FBXO10: variants seen among roughly 807,000 people sequenced by gnomAD.
The protein encoded by FBXO10 is F-box only protein 10.
Under a neutral mutation model 80.7 loss-of-function variants are expected in FBXO10, and 39 were observed. That is an observed-to-expected ratio of 0.48 (90% confidence interval 0.37 to 0.63). The LOEUF (loss-of-function observed/expected upper bound fraction) is 0.63, where lower values mean the gene tolerates loss of function less well. Among genes scored for constraint, FBXO10 ranks in the 30% least tolerant of loss-of-function variants. The pLI, the probability that FBXO10 is intolerant of heterozygous loss-of-function variation, is 0.00. For synonymous variants in FBXO10, 449 were observed against 489.6 expected (o/e 0.92, Z 1.09); for missense variants, 1,025 against 1,269.0 (o/e 0.81, Z 2.92).
intron 8 of FBXO10, among the ~76,000 whole-genome samples, chr9:37,519,102 G>A (rs1821261949): frequency 6.6e-6 from 1 of 152,008 alleles, no homozygotes; most frequent in South Asian, 2.1e-4. Flanking sequence ...GTAGAGACAT[G>A]GTTTCACCGT....
At chr9:37,565,328 G>A (rs1822576503) in intron 1 of FBXO10, among the ~76,000 whole-genome samples, 1 of 152,160 alleles carries the variant, frequency 6.6e-6, no homozygotes, top group Non-Finnish European at 1.5e-5. Context: ...GAAAGCCCTT[G>A]TTTAAAGAAC....
chr9:37,523,111 T>C, intron 6 of FBXO10, 134 bp from the exon 7 acceptor site: 1 of 940,480 alleles, frequency 1.1e-6, no homozygotes, highest in Admixed American at 2.7e-5. Flanking sequence ...CAATTAGCAC[T>C]GTAAATCTTG....
Position 37,537,244 on chromosome 9 carries a change from C to A in FBXO10, c.1285G>T (p.Gly429Cys). Residue 429 changes from glycine (G) to cysteine (C), a missense_variant, in exon 3 of 11, where the codon GGC becomes TGC. By Grantham distance (159) the Gly-to-Cys change is radical (BLOSUM62 -3). Around this residue, in one of 3 missense-constraint regions of FBXO10, gnomAD observed 478 missense variants for 667.8 expected, o/e 0.72. Transcript: ENST00000432825. Reference protein sequence around the residue: ...EAMALANSVQGCLIRKCLFRD... With the variant: ...EAMALANSVQCCLIRKCLFRD... ...AAGAGGCACTTGCGGATGAGGCAGC[C>A]CTGCACGGAGTTGGCCAGTGCCATG... The A allele has an allele frequency of 6.2e-7, 1 of 1,613,904 alleles. No individual in the cohort carries two copies. Among genetic ancestry groups the A allele is most frequent in the Non-Finnish European group, 8.5e-7 (1 of 1,179,896 alleles).
chr9:37,517,991 G>A (rs1221623974), intron 9 of FBXO10, 134 bp downstream of exon 9: 1 of 954,922 alleles, frequency 1.0e-6, no homozygotes, highest in African/African-American at 1.6e-5. Context: ...CCCAGGCTGA[G>A]TCCTGGCAGG....
At chr9:37,570,359 CA>C (rs904769579) in intron 1 of FBXO10, among the ~76,000 whole-genome samples, 1 of 151,622 alleles carries the variant, frequency 6.6e-6, no homozygotes, top group African/African-American at 2.4e-5. Context: ...TACCACATAT[CA>C]AAACTTGTGA....
chr9:37,571,392 A>C (rs973171002), intron 1 of FBXO10, among the ~76,000 whole-genome samples: 1 of 152,210 alleles, frequency 6.6e-6, no homozygotes, highest in African/African-American at 2.4e-5. Flanking sequence ...AACTTAATAT[A>C]AGAAGCAAGC....
rs755423837 is a variant in FBXO10, at chr9:37,531,935, G to A, written c.1543C>T (p.Arg515Trp). The A allele has an allele frequency of 2.0e-5, 32 of 1,613,780 alleles. No homozygotes were observed. The highest frequency in any genetic ancestry group is 2.4e-5 in the Non-Finnish European group (28 of 1,179,834). The change falls in exon 4 of 11, where the codon CGG (arginine) becomes TGG (tryptophan). Residue 515 changes from arginine (R) to tryptophan (W), a missense_variant. Around this residue, in one of 3 missense-constraint regions of FBXO10, gnomAD observed 478 missense variants for 667.8 expected, o/e 0.72. Coordinates refer to ENST00000432825, the MANE Select transcript of FBXO10 (RefSeq NM_012166.3). The stretch of plus-strand genomic sequence containing the variant: ...AGTATGAGTGGGTTGGACTTTTTCC[G>A]GATGTCTACACCAGCCTCTGCATTG... ...YHNAEAGVDI[R>W]KKSNPLILCN...
chr9:37,522,027 G>C, intron 7 of FBXO10, 189 bp from the exon 8 acceptor site: 1 of 637,462 alleles, frequency 1.6e-6, no homozygotes, highest in Non-Finnish European at 2.6e-6. Context: ...ATCAGGATCA[G>C]GTGAACCTCA....
intron 1 of FBXO10, among the ~76,000 whole-genome samples, chr9:37,543,834 G>T (rs939030506): frequency 6.6e-6 from 1 of 152,230 alleles, no homozygotes; most frequent in African/African-American, 2.4e-5. Flanking sequence ...TAGACAACTA[G>T]AAAGTAGGAC....
intron 8 of FBXO10, among the ~76,000 whole-genome samples, chr9:37,520,593 G>C (rs1194771906): frequency 3.4e-5 from 5 of 145,912 alleles, no homozygotes; most frequent in African/African-American, 5.1e-5. Context: ...TGAACACCTG[G>C]CCTCAAGCAA....
chr9:37,538,680 C>T (rs1001286047), intron 2 of FBXO10, among the ~76,000 whole-genome samples: 1 of 146,442 alleles, frequency 6.8e-6, no homozygotes, highest in Non-Finnish European at 1.5e-5. Context: ...TACACTCCAG[C>T]CTGGGCGAAA....
chr9:37,532,121 AG>A (rs1821641087), intron 3 of FBXO10, 63 bp from the exon 4 acceptor site: 1 of 1,521,506 alleles, frequency 6.6e-7, no homozygotes. Context: ...AAACCACTGG[AG>A]GAACACCTGA....
At chr9:37,553,105 A>G (rs1471942082) in intron 1 of FBXO10, among the ~76,000 whole-genome samples, 1 of 151,254 alleles carries the variant, frequency 6.6e-6, no homozygotes, top group Non-Finnish European at 1.5e-5. Flanking sequence ...GTAGTGGTGC[A>G]ATCTCAGCTC....
At chr9:37,531,596 G>A (rs759241194) in intron 4 of FBXO10, among the ~76,000 whole-genome samples, 9 of 152,194 alleles carry the variant, frequency 5.9e-5, no homozygotes, top group Non-Finnish European at 1.0e-4. Flanking sequence ...CTTTAGGGCA[G>A]ACATCACTCT....
intron 8 of FBXO10, among the ~76,000 whole-genome samples, chr9:37,520,522 CTTTTTTT>C (rs1191753429): frequency 1.2e-5 from 1 of 83,384 alleles, no homozygotes; most frequent in African/African-American, 4.5e-5. Context: ...CCTTCTTCTT[CTTTTTTT>C]TTTTTTTTTT....
intron 9 of FBXO10, among the ~76,000 whole-genome samples, chr9:37,516,592 G>A (rs540882787): frequency 6.6e-6 from 1 of 152,294 alleles, no homozygotes; most frequent in South Asian, 2.1e-4. Flanking sequence ...ATGTGCACAC[G>A]CATATTGATA....
intron 3 of FBXO10, among the ~76,000 whole-genome samples, chr9:37,536,875 A>G (rs1821779045): frequency 1.3e-5 from 2 of 152,176 alleles, no homozygotes. Context: ...TCTAGTCTCA[A>G]TTCTGCCTAA....
chr9:37,527,730 AT>A (rs1821510242), intron 5 of FBXO10, among the ~76,000 whole-genome samples: 1 of 152,144 alleles, frequency 6.6e-6, no homozygotes, highest in Non-Finnish European at 1.5e-5. Flanking sequence ...GTTCTTGTAC[AT>A]GTTGTATATC....
intron 1 of FBXO10, among the ~76,000 whole-genome samples, chr9:37,558,971 C>T (rs1279918868): frequency 8.5e-5 from 13 of 152,190 alleles, no homozygotes; most frequent in South Asian, 2.1e-4. Flanking sequence ...CCACCACGCC[C>T]GGCTAATTTT....
Sources: gnomAD v4.1 joint callset for allele counts (sites outside exome capture counted in the v4.1 genomes callset) on GRCh38, gnomAD v4.1.1 for gene constraint, gnomAD v4.1.1 regional missense constraint, MANE v1.5 for transcripts, NCBI Gene and HGNC (gene_info 2026-07-23, HGNC 2026-07-21) for gene names.